KCNH1: variants seen among roughly 807,000 people sequenced by gnomAD.
The protein encoded by KCNH1 is potassium voltage-gated channel subfamily H member 1.
A neutral mutation model predicts 69.2 loss-of-function variants in KCNH1; 27 were observed. The observed-to-expected ratio is 0.39, with a 90% CI of 0.29 to 0.54. KCNH1 has a LOEUF of 0.54. Among genes scored for constraint, KCNH1 ranks in the 20% least tolerant of loss-of-function variants. The pLI is 0.68. For missense variants in KCNH1, 798 were observed against 1,261.6 expected, an observed-to-expected ratio of 0.63 and a Z score of 5.57; for synonymous variants, 456 against 487.7, an observed-to-expected ratio of 0.93 and a Z score of 0.86.
intron 7 of KCNH1, among the ~76,000 whole-genome samples, chr1:210,908,990 A>T (rs1447916712): frequency 6.6e-6 from 1 of 152,208 alleles, no homozygotes; most frequent in Non-Finnish European, 1.5e-5. Flanking sequence ...GCTTTCTTGC[A>T]GTGATGGTGG....
At chr1:210,745,126 C>T (rs912790942) in intron 10 of KCNH1, among the ~76,000 whole-genome samples, 4 of 152,172 alleles carry the variant, frequency 2.6e-5, no homozygotes, top group Non-Finnish European at 2.9e-5. Flanking sequence ...ATCGCTTGAA[C>T]GTGGGAGGCA....
chr1:211,115,389 C>T (rs181910119), intron 1 of KCNH1, among the ~76,000 whole-genome samples: 219 of 152,194 alleles, frequency 1.4e-3, no homozygotes, highest in Middle Eastern at 3.4e-3. Context: ...CTTGGTATGT[C>T]TGTGAGGGTG....
chr1:210,922,365 CA>C (rs1401688803), intron 6 of KCNH1, among the ~76,000 whole-genome samples: 31 of 128,426 alleles, frequency 2.4e-4, no homozygotes, highest in African/African-American at 8.9e-4. Flanking sequence ...GCCTGGGCAA[CA>C]GAGCGAGACT....
At chr1:211,114,466 G>A (rs1002526654) in intron 1 of KCNH1, among the ~76,000 whole-genome samples, 1 of 152,326 alleles carries the variant, frequency 6.6e-6, no homozygotes, top group East Asian at 1.9e-4. Flanking sequence ...AAAGAAATAA[G>A]CCTATGTATG....
chr1:210,699,398 G>T (rs919120773), intron 10 of KCNH1, among the ~76,000 whole-genome samples: 5 of 152,162 alleles, frequency 3.3e-5, no homozygotes, highest in Non-Finnish European at 4.4e-5. Context: ...GACTGGCAGG[G>T]GAATACCTTT....
At chr1:211,031,306 C>T (rs994395816) in intron 5 of KCNH1, among the ~76,000 whole-genome samples, 4 of 152,100 alleles carry the variant, frequency 2.6e-5, no homozygotes, top group African/African-American at 7.2e-5. Flanking sequence ...CCAAATTCTA[C>T]CAGAGGTACA....
chr1:211,065,671 C>A (rs1022529891), intron 5 of KCNH1, among the ~76,000 whole-genome samples: 6 of 152,064 alleles, frequency 3.9e-5, no homozygotes, highest in African/African-American at 1.4e-4. Flanking sequence ...TGTGAGGTGA[C>A]ACATATGTTA....
chr1:210,944,414 C>A (rs995689923), intron 6 of KCNH1, among the ~76,000 whole-genome samples: 15 of 152,206 alleles, frequency 9.9e-5, no homozygotes, highest in African/African-American at 2.9e-4. Context: ...CCACAGCTCC[C>A]CAGGCCAGAA....
Position 210,757,038 on chromosome 1 carries a change from A to T in KCNH1, c.2112+18310T>A, listed in dbSNP as rs1473714214. Among the ~76,000 whole-genome samples, 4 of 152,280 alleles carry T rather than the reference A, an allele frequency of 2.6e-5. No individual in the cohort carries two copies. The East Asian group carries it at 5.8e-4, about 22-fold the overall frequency. On this transcript the variant is annotated intron_variant, in intron 10 of 10. Transcript: ENST00000271751. The stretch of plus-strand genomic sequence containing the variant: ...CTGATTGAGTATCAGCCATTTAATC[A>T]ATCATCTTGCTTTTGTGCTGCACCT...
chr1:211,118,892 C>T (rs1241161687), intron 1 of KCNH1, among the ~76,000 whole-genome samples: 4 of 152,202 alleles, frequency 2.6e-5, no homozygotes, highest in African/African-American at 9.7e-5. Context: ...ACATTCAGCT[C>T]GCAGTTCACA....
chr1:210,851,154 C>T (rs1474785114), intron 7 of KCNH1, among the ~76,000 whole-genome samples: 1 of 152,210 alleles, frequency 6.6e-6, no homozygotes, highest in Non-Finnish European at 1.5e-5. Context: ...CTAAATGATT[C>T]TCTCTGGTCA....
At chr1:210,993,372 T>C (rs1362003104) in intron 6 of KCNH1, among the ~76,000 whole-genome samples, 2 of 152,120 alleles carry the variant, frequency 1.3e-5, no homozygotes, top group Admixed American at 6.6e-5. Flanking sequence ...ATGTAGTCAA[T>C]TACTAAGCAC....
chr1:211,001,949 G>A (rs1689187671), intron 6 of KCNH1, among the ~76,000 whole-genome samples: 1 of 151,668 alleles, frequency 6.6e-6, no homozygotes, highest in Non-Finnish European at 1.5e-5. Context: ...ACTCATAGGT[G>A]GGAATTGAAC....
At chr1:210,725,374 A>T (rs759328447) in intron 10 of KCNH1, among the ~76,000 whole-genome samples, 1 of 152,198 alleles carries the variant, frequency 6.6e-6, no homozygotes, top group Non-Finnish European at 1.5e-5. Context: ...TCCCTATTCT[A>T]GATACTGCCC....
intron 10 of KCNH1, among the ~76,000 whole-genome samples, chr1:210,759,626 A>G (rs188097124): frequency 3.3e-4 from 50 of 152,282 alleles, no homozygotes; most frequent in Admixed American, 9.8e-4. Flanking sequence ...GAATCAACAA[A>G]AATAAAGAAA....
chr1:210,950,173 G>C (rs1322917086), intron 6 of KCNH1, among the ~76,000 whole-genome samples: 1 of 152,138 alleles, frequency 6.6e-6, no homozygotes, highest in East Asian at 1.9e-4. Context: ...AGGGCAAGTG[G>C]GAAGCTGACA....
chr1:211,090,063 C>T (rs1691025409), intron 4 of KCNH1, among the ~76,000 whole-genome samples: 1 of 152,182 alleles, frequency 6.6e-6, no homozygotes. Flanking sequence ...AGGACCCTGG[C>T]TTCATTAATG....
At chr1:211,036,329 T>C (rs1272177070) in intron 5 of KCNH1, among the ~76,000 whole-genome samples, 1 of 152,192 alleles carries the variant, frequency 6.6e-6, no homozygotes, top group African/African-American at 2.4e-5. Flanking sequence ...GGAGGCCTGA[T>C]GGTTGGTTTC....
At chr1:210,990,739 T>A (rs1471877994) in intron 6 of KCNH1, among the ~76,000 whole-genome samples, 3 of 152,178 alleles carry the variant, frequency 2.0e-5, no homozygotes, top group African/African-American at 7.2e-5. Flanking sequence ...TTATAAAACA[T>A]CAACAGAATG....
Sources: gnomAD v4.1 joint callset for allele counts (sites outside exome capture counted in the v4.1 genomes callset) on GRCh38, gnomAD v4.1.1 for gene constraint, MANE v1.5 for transcripts, NCBI Gene and HGNC (gene_info 2026-07-23, HGNC 2026-07-21) for gene names.